The following PRELID2 variants were observed in gnomAD, a reference collection of about 807,000 sequenced individuals.
PRELID2 encodes the protein PRELI domain containing 2.
Under a neutral mutation model 28.4 loss-of-function variants are expected in PRELID2, and 25 were observed. The ratio of observed to expected loss-of-function variants is 0.88; its 90% CI spans 0.64 to 1.23. PRELID2 has a LOEUF of 1.23. Among genes scored for constraint, PRELID2 ranks in the 50% most tolerant of loss-of-function variants. PRELID2 has a pLI of 0.00. For missense variants in PRELID2, 201 were observed against 214.4 expected, an observed-to-expected ratio of 0.94 and a Z score of 0.39; for synonymous variants, 76 against 71.6, an observed-to-expected ratio of 1.06 and a Z score of -0.31.
chr5:145,791,053 C>T (rs1007807953), intron 5 of PRELID2, among the ~76,000 whole-genome samples: 3 of 152,024 alleles, frequency 2.0e-5, no homozygotes, highest in Non-Finnish European at 4.4e-5. Context: ...CTAATAAAGA[C>T]ATACCAGCCA....
the PRELID2 span, chr5:145,229,359 T>A: frequency 8.4e-4 from 623 of 741,740 alleles, 7 homozygotes; most frequent in Middle Eastern, 4.0e-3. Flanking sequence ...CTGTGGAGCA[T>A]CGACAAGAAC....
At chr5:145,728,257 C>G (rs1756231910) in intron 1 of PRELID2, 2 of 234,366 alleles carry the variant, frequency 8.5e-6, no homozygotes, top group South Asian at 6.4e-5. Flanking sequence ...CTATCCCTGC[C>G]TGTCCCTGTC....
the PRELID2 span, among the ~76,000 whole-genome samples, chr5:145,409,077 A>G: frequency 6.6e-6 from 1 of 152,204 alleles, no homozygotes; most frequent in Non-Finnish European, 1.5e-5. Context: ...GCCTCCTTAA[A>G]GAAAATAATT....
chr5:145,537,211 G>A (rs1472162965), intron 1 of PRELID2, among the ~76,000 whole-genome samples: 1 of 151,822 alleles, frequency 6.6e-6, no homozygotes, highest in Non-Finnish European at 1.5e-5. Flanking sequence ...GAAACACAAA[G>A]GACCCCAAGT....
At chr5:145,710,634 T>A (rs1448426578) in intron 1 of PRELID2, among the ~76,000 whole-genome samples, 2 of 152,226 alleles carry the variant, frequency 1.3e-5, no homozygotes, top group Admixed American at 6.5e-5. Context: ...AGACATAGCA[T>A]AAGTGTCCAT....
chr5:145,270,942 A>G, the PRELID2 span, among the ~76,000 whole-genome samples: 2 of 152,200 alleles, frequency 1.3e-5, no homozygotes, highest in South Asian at 4.2e-4. Context: ...TGGCTGGGGG[A>G]GGCCTCAGGA....
chr5:145,336,711 C>A, the PRELID2 span, among the ~76,000 whole-genome samples: 1 of 151,792 alleles, frequency 6.6e-6, no homozygotes, highest in Non-Finnish European at 1.5e-5. Context: ...TGGAACCAAC[C>A]CAAATGTCCA....
At chr5:145,370,621 G>C in the PRELID2 span, among the ~76,000 whole-genome samples, 1 of 151,720 alleles carries the variant, frequency 6.6e-6, no homozygotes, top group African/African-American at 2.4e-5. Flanking sequence ...CTTTGATTCC[G>C]TACGAAATTT....
At chr5:145,594,864 C>T (rs575362059) in intron 1 of PRELID2, among the ~76,000 whole-genome samples, 3 of 152,178 alleles carry the variant, frequency 2.0e-5, no homozygotes, top group Non-Finnish European at 2.9e-5. Context: ...CGGTGGCTCA[C>T]GCCTATAAAT....
rs1206159700 is a variant in PRELID2, at chr5:145,835,266, G to A, written c.-15C>T. The A allele has an allele frequency of 6.5e-7, 1 of 1,540,600 alleles. No homozygotes were observed. ...GAGACCCCCATCCCCGCGCGCCGCG[G>A]GCCCCGCGCACCGGCCACGCCTCCG... On this transcript the variant is annotated 5_prime_UTR_variant, in exon 1 of 7. Transcript: ENST00000683046.
intron 4 of PRELID2, among the ~76,000 whole-genome samples, chr5:145,806,970 C>T (rs1753557315): frequency 6.6e-6 from 1 of 152,144 alleles, no homozygotes; most frequent in Non-Finnish European, 1.5e-5. Flanking sequence ...TTCTTGATAA[C>T]AGTATGAAAA....
the PRELID2 span, among the ~76,000 whole-genome samples, chr5:145,291,342 A>C: frequency 2.0e-5 from 3 of 149,318 alleles, no homozygotes; most frequent in African/African-American, 7.5e-5. Flanking sequence ...TTTCAGAAAA[A>C]AAAAAAAAAA....
At chr5:145,634,382 C>A (rs926163616) in intron 1 of PRELID2, among the ~76,000 whole-genome samples, 3 of 152,138 alleles carry the variant, frequency 2.0e-5, no homozygotes, top group African/African-American at 4.8e-5. Context: ...GTTCTATGAT[C>A]CCCTTGTCCC....
rs1001419114 is a variant in PRELID2, at chr5:145,740,153, C to T, written n.70+24778G>A. Among the ~76,000 whole-genome samples the T allele has an allele frequency of 4.4e-4, 66 of 148,424 alleles. No individual in the cohort carries two copies. In the South Asian group the frequency reaches 5.1e-3, roughly 11 times the overall value. On this transcript the variant is annotated intron_variant and non_coding_transcript_variant, in intron 1 of 2. Transcript: ENST00000510259. ...AAAAGATTTAAGTATATATATCATA[C>T]AAACACTCATAAAGGAAGTAGGAGT...
chr5:145,231,412 C>T, the PRELID2 span, among the ~76,000 whole-genome samples: 1 of 152,030 alleles, frequency 6.6e-6, no homozygotes, highest in East Asian at 1.9e-4. Flanking sequence ...AATGCTGATC[C>T]CATGCATGCC....
At position 145,695,922 on chromosome 5, in the gene PRELID2, AG is replaced by A. The variant is rs530820335; in HGVS notation, n.70+69008del. On this transcript the variant is annotated intron_variant and non_coding_transcript_variant, in intron 1 of 2. Transcript: ENST00000510259. Reference sequence around the variant, plus strand: ...GACCACACAAAAGCATAAATATCAGAGGGGGGAGAATCACTGGGGTCCATTT... The same window carrying A: ...GACCACACAAAAGCATAAATATCAGAGGGGGAGAATCACTGGGGTCCATTT... 5.3e-5 allele frequency among the ~76,000 whole-genome samples: 8 copies of A among 152,242 alleles called. No homozygotes were observed. The South Asian group carries it at 1.7e-3, about 32-fold the overall frequency.
intron 4 of PRELID2, among the ~76,000 whole-genome samples, chr5:145,815,195 G>A (rs1328667352): frequency 6.6e-6 from 1 of 152,194 alleles, no homozygotes; most frequent in Non-Finnish European, 1.5e-5. Flanking sequence ...TGAGGAGGCA[G>A]CATCTGCAAA....
intron 1 of PRELID2, among the ~76,000 whole-genome samples, chr5:145,514,820 T>G (rs1185527721): frequency 6.6e-6 from 1 of 151,876 alleles, no homozygotes; most frequent in Non-Finnish European, 1.5e-5. Context: ...TAGACCACAG[T>G]GCAATCAAAT....
intron 4 of PRELID2, among the ~76,000 whole-genome samples, chr5:145,803,957 C>T (rs1351885079): frequency 2.0e-5 from 3 of 152,066 alleles, no homozygotes; most frequent in African/African-American, 7.2e-5. Flanking sequence ...CCTGTCCCAC[C>T]CTGCTACCAC....
Sources: allele counts gnomAD v4.1 joint callset (sites outside exome capture counted in the v4.1 genomes callset), GRCh38; gene constraint gnomAD v4.1.1; transcripts MANE v1.5; gene names NCBI Gene and HGNC (gene_info 2026-07-23, HGNC 2026-07-21).